Variants in NINL observed in about 807,000 individuals in gnomAD.
NINL encodes the protein ninein-like protein.
In NINL, 153 loss-of-function variants were observed where a neutral mutation model predicts 160.3. The observed-to-expected ratio is 0.95, with a 90% CI of 0.84 to 1.09. The LOEUF (loss-of-function observed/expected upper bound fraction) is 1.09. Ranked by LOEUF, NINL falls within the 50% of genes least tolerant of loss-of-function variation. The pLI is 0.00. For missense variants in NINL, 1,829 were observed against 1,764.0 expected, an observed-to-expected ratio of 1.04 and a Z score of -0.66; for synonymous variants, 800 against 734.8, an observed-to-expected ratio of 1.09 and a Z score of -1.43.
chr20:25,577,909 T>C (rs1226314927), intron 1 of NINL, among the ~76,000 whole-genome samples: 1 of 151,848 alleles, frequency 6.6e-6, no homozygotes, highest in Non-Finnish European at 1.5e-5. Context: ...CTCGGCTCAC[T>C]GCAATCTCCA....
At chr20:25,462,805 T>C (rs1280071553) in intron 19 of NINL, 8 of 338,792 alleles carry the variant, frequency 2.4e-5, no homozygotes, top group Non-Finnish European at 4.4e-5. Context: ...CAGGCACACG[T>C]CACCACTCCC....
chr20:25,455,802 G>A lies in NINL; in HGVS notation c.3844-16C>T. On this transcript the variant is annotated splice_polypyrimidine_tract_variant and intron_variant, in intron 22 of 23. Transcript: ENST00000278886. The stretch of plus-strand genomic sequence containing the variant: ...CATGTTCTTCCTGCCATAAAAGAAG[G>A]TTGCAGGTGGCCGGGCATGGTGGCT... The A allele has an allele frequency of 1.2e-6, 2 of 1,608,586 alleles. No homozygotes were observed. Among genetic ancestry groups the A allele is most frequent in the Non-Finnish European group, 1.7e-6 (2 of 1,174,994 alleles).
intron 1 of NINL, among the ~76,000 whole-genome samples, chr20:25,551,038 G>C (rs1004594861): frequency 6.6e-6 from 1 of 152,186 alleles, no homozygotes; most frequent in Non-Finnish European, 1.5e-5. Context: ...GCGGCCTTCC[G>C]CAGTGCATTG....
intron 2 of NINL, among the ~76,000 whole-genome samples, chr20:25,525,029 A>G (rs950267149): frequency 1.3e-5 from 2 of 151,962 alleles, no homozygotes; most frequent in Non-Finnish European, 2.9e-5. Context: ...TTGCTCATCT[A>G]TGTCCCAAAC....
intron 18 of NINL, 81 bp from the exon 19 acceptor site, chr20:25,467,539 G>A (rs2146388243): frequency 9.4e-7 from 1 of 1,063,602 alleles, no homozygotes; most frequent in East Asian, 2.4e-5. Context: ...CAGGGTAAGA[G>A]CAGCATGGGG....
At position 25,553,104 on chromosome 20, in the gene NINL, G is replaced by GT. The variant is rs3036846; in HGVS notation, c.-11-26507dup. Among the ~76,000 whole-genome samples, 257 of 100,126 alleles carry GT rather than the reference G, an allele frequency of 2.6e-3. 6 individuals are homozygous for GT. The highest frequency in any genetic ancestry group is 3.8e-3 in the Non-Finnish European group (201 of 53,420). The allele number at this position is 100,126 out of a possible 152,430, so 65.7% of individuals were successfully genotyped here. A position where few individuals can be genotyped will look rare whatever the true frequency, so the allele number is the denominator to read the frequency against. ...GGAAGTTACTTCTCACCCTTGTTGG[G>GT]TTTTTTTTTTTTTTTTTGGAGATGG... On this transcript the variant is annotated intron_variant, in intron 1 of 23. Coordinates refer to ENST00000278886, the MANE Select transcript of NINL (RefSeq NM_025176.6).
At chr20:25,541,871 A>G (rs2064668588) in intron 1 of NINL, among the ~76,000 whole-genome samples, 1 of 152,250 alleles carries the variant, frequency 6.6e-6, no homozygotes, top group Non-Finnish European at 1.5e-5. Flanking sequence ...TCCGTGTATG[A>G]TCAAAAACAA....
At chr20:25,575,701 A>G (rs1336514883) in intron 1 of NINL, among the ~76,000 whole-genome samples, 1 of 151,864 alleles carries the variant, frequency 6.6e-6, no homozygotes, top group East Asian at 1.9e-4. Flanking sequence ...CAGTGAGCCG[A>G]GATCGCGCCA....
chr20:25,456,392 C>CA (rs775223055), intron 22 of NINL, among the ~76,000 whole-genome samples: 3 of 135,534 alleles, frequency 2.2e-5, no homozygotes, highest in Non-Finnish European at 3.2e-5. Flanking sequence ...TACTAAAATA[C>CA]AAAAAATCAG....
In NINL at chr20:25,456,104, G is replaced by T. The variant is rs186452700; in HGVS notation, c.3844-318C>A. ...AAAAAAAAAGAAAAATTAGCTGGGC[G>T]TGGTAGCGTGCACCTGTAGTCCCAG... On this transcript the variant is annotated intron_variant, in intron 22 of 23. Transcript: ENST00000278886. Among the ~76,000 whole-genome samples the T allele has an allele frequency of 4.0e-5, 6 of 151,148 alleles. No homozygotes were observed. In the East Asian group the frequency reaches 1.2e-3, roughly 30 times the overall value.
chr20:25,484,395 C>T (rs751900154), intron 13 of NINL, among the ~76,000 whole-genome samples: 2 of 152,152 alleles, frequency 1.3e-5, no homozygotes, highest in East Asian at 3.9e-4. Flanking sequence ...AAACCATTCC[C>T]TCAGGAAAGG....
intron 1 of NINL, among the ~76,000 whole-genome samples, chr20:25,538,165 A>G (rs2064593941): frequency 6.6e-6 from 1 of 152,170 alleles, no homozygotes; most frequent in Non-Finnish European, 1.5e-5. Context: ...AGGGAGGCAT[A>G]GGCGTGGCCT....
At chr20:25,466,006 C>T (rs566111666) in intron 19 of NINL, among the ~76,000 whole-genome samples, 1 of 152,106 alleles carries the variant, frequency 6.6e-6, no homozygotes, top group Non-Finnish European at 1.5e-5. Context: ...AGTATCATGA[C>T]ATCTGGAACT....
At chr20:25,537,153 G>A (rs1292060181) in intron 1 of NINL, among the ~76,000 whole-genome samples, 5 of 152,052 alleles carry the variant, frequency 3.3e-5, no homozygotes, top group East Asian at 3.9e-4. Context: ...CGTTGATCAC[G>A]GCTCACTGCA....
intron 11 of NINL, 143 bp from the exon 12 acceptor site, chr20:25,490,128 T>C: frequency 1.3e-6 from 1 of 741,344 alleles, no homozygotes; most frequent in Non-Finnish European, 2.3e-6. Flanking sequence ...CCTGGTGCTG[T>C]GCAGGCGGCT....
Position 25,503,935 on chromosome 20 carries a change from T to C in NINL, c.861+17A>G. On this transcript the variant is annotated intron_variant, in intron 7 of 23. Transcript: ENST00000278886. The stretch of plus-strand genomic sequence containing the variant: ...AGCAGTGGTTGCTGGGTTCAGGATT[T>C]AACTGTTGCATTTTACCTGGTAATG... The C allele has an allele frequency of 6.2e-7, 1 of 1,614,094 alleles. No individual in the cohort carries two copies. The highest frequency in any genetic ancestry group is 1.1e-5 in the South Asian group (1 of 91,080).
chr20:25,465,586 C>T lies in NINL; in HGVS notation c.3423+1803G>A, dbSNP rs73335304. ...AGACACAAGCAGAAGGGGTCCCCGA[C>T]GACTCCAACCCTGGCCATTAGGTCA... On this transcript the variant is annotated intron_variant, in intron 19 of 23. Transcript: ENST00000278886. 6.6e-3 allele frequency among the ~76,000 whole-genome samples: 999 copies of T among 152,196 alleles called. 16 individuals are homozygous for T. The highest frequency in any genetic ancestry group is 0.023 in the African/African-American group (956 of 41,516).
In NINL at chr20:25,458,621, G is replaced by C. The variant is rs1297236549; in HGVS notation, c.3697-92C>G. On this transcript the variant is annotated intron_variant, in intron 21 of 23. Coordinates refer to ENST00000278886, the MANE Select transcript of NINL (RefSeq NM_025176.6). Reference sequence around the variant, plus strand: ...CATCCAAGGACACCCCCACCTGCAAGGGCAAGGAAAGCGTGTGCTCCCGAG... The same window carrying C: ...CATCCAAGGACACCCCCACCTGCAACGGCAAGGAAAGCGTGTGCTCCCGAG... 4 of 1,344,452 alleles carry C rather than the reference G, an allele frequency of 3.0e-6. No homozygotes were observed. In the South Asian group the frequency reaches 6.0e-5, roughly 20 times the overall value. The allele number at this position is 1,344,452 out of a possible 1,614,324, so 83.3% of individuals were successfully genotyped here.
intron 1 of NINL, among the ~76,000 whole-genome samples, chr20:25,546,379 C>T (rs2064732632): frequency 6.6e-6 from 1 of 152,002 alleles, no homozygotes; most frequent in African/African-American, 2.4e-5. Context: ...CTGCCTGTGC[C>T]CCTCAATCAG....
Sources: allele counts gnomAD v4.1 joint callset (sites outside exome capture counted in the v4.1 genomes callset), GRCh38; gene constraint gnomAD v4.1.1; transcripts MANE v1.5; gene names NCBI Gene and HGNC (gene_info 2026-07-23, HGNC 2026-07-21).